The following UIMC1 variants were observed in gnomAD, a reference collection of about 807,000 sequenced individuals.
The protein encoded by UIMC1 is ubiquitin interaction motif containing 1, also known as BRCA1-A complex subunit RAP80.
A neutral mutation model predicts 84.9 loss-of-function variants in UIMC1; 42 were observed. The observed-to-expected ratio is 0.49, with a 90% CI of 0.39 to 0.64. The LOEUF (loss-of-function observed/expected upper bound fraction) is 0.64. UIMC1 is among the 30% of genes least tolerant of loss of function. The pLI, the probability that UIMC1 is intolerant of heterozygous loss-of-function variation, is 0.00. For missense variants in UIMC1, 825 were observed against 847.6 expected (o/e 0.97, Z 0.33); for synonymous variants, 281 against 293.0 (o/e 0.96, Z 0.42).
intron 1 of UIMC1, among the ~76,000 whole-genome samples, chr5:176,994,067 TAA>T (rs1282474418): frequency 6.8e-6 from 1 of 146,880 alleles, no homozygotes; most frequent in East Asian, 2.0e-4. Context: ...GATGAAATAG[TAA>T]AAAACACTTG....
At chr5:177,004,340 C>T (rs1774971858) in intron 1 of UIMC1, among the ~76,000 whole-genome samples, 1 of 152,072 alleles carries the variant, frequency 6.6e-6, no homozygotes, top group South Asian at 2.1e-4. Flanking sequence ...GAGATTTAGC[C>T]ACATTAAATT....
At position 176,970,763 on chromosome 5, in the gene UIMC1, T is replaced by C; in HGVS notation, c.336A>G (p.Lys112=). ...QEEEEEELLR[K]AIAESLNSCR... The stretch of plus-strand genomic sequence containing the variant: ...TTACATTCAGGCTTTCAGCAATGGC[T>C]TTCCTCAAGAGCTCCTCTTCTTCCT... The change falls in exon 4 of 15, where the codon AAA becomes AAG. Residue 112 remains lysine, a synonymous_variant. Coordinates refer to ENST00000511320, the MANE Select transcript of UIMC1 (RefSeq NM_001199298.2). 1 of 1,614,138 alleles carries C rather than the reference T, an allele frequency of 6.2e-7. No individual in the cohort carries two copies. The highest frequency in any genetic ancestry group is 8.5e-7 in the Non-Finnish European group (1 of 1,180,038).
intron 1 of UIMC1, among the ~76,000 whole-genome samples, chr5:177,003,392 C>T (rs1185682352): frequency 6.6e-6 from 1 of 152,152 alleles, no homozygotes; most frequent in Non-Finnish European, 1.5e-5. Context: ...CGGTGGTTCA[C>T]GCCTGTAATC....
At chr5:176,933,704 T>C (rs986433543) in intron 10 of UIMC1, among the ~76,000 whole-genome samples, 1 of 151,836 alleles carries the variant, frequency 6.6e-6, no homozygotes, top group Non-Finnish European at 1.5e-5. Context: ...ACAAAGCTAA[T>C]TTTTTATTTT....
chr5:176,950,067 AT>A (rs1765656181), intron 9 of UIMC1, among the ~76,000 whole-genome samples: 1 of 150,834 alleles, frequency 6.6e-6, no homozygotes, highest in African/African-American at 2.4e-5. Context: ...AGGAGAAAAA[AT>A]ACAAAATTCC....
At chr5:176,907,872 T>G (rs555745368) in intron 12 of UIMC1, among the ~76,000 whole-genome samples, 1 of 152,316 alleles carries the variant, frequency 6.6e-6, no homozygotes, top group African/African-American at 2.4e-5. Flanking sequence ...TATCAGAAAA[T>G]GTATTCTAAG....
chr5:177,005,708 T>G (rs575097016), intron 1 of UIMC1, among the ~76,000 whole-genome samples: 2 of 151,968 alleles, frequency 1.3e-5, no homozygotes, highest in South Asian at 2.1e-4. Context: ...AGGCACTGCC[T>G]CCCTTGACAG....
rs1765884965 is a variant in UIMC1, at chr5:176,951,572, G to A, written c.1345C>T (p.Gln449Ter). The stretch of plus-strand genomic sequence containing the variant: ...TCAAAAGTTTCAGAGGAACTTAGCT[G>A]GGTCTCTGTAATTTAAAAAAGTTAA... ...AEEITVCPET[Q>*]LSSSETFDLE... The change falls in exon 9 of 15, where the codon CAG becomes TAG. Residue 449 changes from glutamine (Q) to a stop codon, truncating the protein, a stop_gained. Transcript: ENST00000511320. LOFTEE classifies it high-confidence loss of function. 1 of 1,568,804 alleles carries A rather than the reference G, an allele frequency of 6.4e-7. No homozygotes were observed. The highest frequency in any genetic ancestry group is 8.6e-7 in the Non-Finnish European group (1 of 1,163,866).
At chr5:176,914,771 TA>T (rs1452198434) in intron 10 of UIMC1, among the ~76,000 whole-genome samples, 8 of 152,200 alleles carry the variant, frequency 5.3e-5, no homozygotes, top group Non-Finnish European at 8.8e-5. Context: ...AGGCACAGAT[TA>T]AATGATCTAA....
chr5:176,956,243 C>T (rs553395523), intron 7 of UIMC1, among the ~76,000 whole-genome samples: 246 of 152,320 alleles, frequency 1.6e-3, no homozygotes, highest in African/African-American at 5.7e-3. Context: ...ACTTCAGTTC[C>T]AGTGAAATCA....
chr5:176,951,466 A>T lies in UIMC1; in HGVS notation c.1443+8T>A. ...CCACTGAGAAAAAATATAGAGGAAA[A>T]TATTCACCTCCTTATCTGCCATTAT... is the stretch of plus-strand genomic sequence containing the variant. On this transcript the variant is annotated splice_region_variant and intron_variant, in intron 9 of 14. Coordinates refer to ENST00000511320, the MANE Select transcript of UIMC1 (RefSeq NM_001199298.2). 12 of 1,493,024 alleles carry T rather than the reference A, an allele frequency of 8.0e-6. No homozygotes were observed. Among genetic ancestry groups the T allele is most frequent in the Non-Finnish European group, 1.1e-5 (12 of 1,114,970 alleles). 92.5% of individuals were successfully genotyped at this position (1,493,024 alleles called of 1,614,324 possible).
intron 3 of UIMC1, among the ~76,000 whole-genome samples, chr5:176,974,407 A>C (rs1315622456): frequency 6.6e-6 from 1 of 152,234 alleles, no homozygotes. Flanking sequence ...TAGATCAGAA[A>C]TCTAAATGCT....
intron 6 of UIMC1, among the ~76,000 whole-genome samples, chr5:176,964,724 T>A (rs1001322545): frequency 6.6e-6 from 1 of 152,204 alleles, no homozygotes; most frequent in Non-Finnish European, 1.5e-5. Context: ...CATCTCCAAG[T>A]GATTTTTTTA....
At chr5:176,948,049 C>T (rs543818837) in intron 9 of UIMC1, among the ~76,000 whole-genome samples, 121 of 152,106 alleles carry the variant, frequency 8.0e-4, no homozygotes, top group Non-Finnish European at 1.3e-3. Context: ...TCTGGATCTT[C>T]CCCTTCTCAC....
intron 4 of UIMC1, 34 bp downstream of exon 4, chr5:176,970,708 A>G: frequency 6.2e-7 from 1 of 1,613,722 alleles, no homozygotes; most frequent in Non-Finnish European, 8.5e-7. Flanking sequence ...TAGCTGATCA[A>G]TCTCCACAAA....
chr5:176,948,307 TTC>T (rs543381692), intron 9 of UIMC1, among the ~76,000 whole-genome samples: 18 of 152,212 alleles, frequency 1.2e-4, no homozygotes, highest in Non-Finnish European at 2.1e-4. Flanking sequence ...TATTGAGCAA[TTC>T]TCTGTCATTA....
intron 10 of UIMC1, among the ~76,000 whole-genome samples, chr5:176,935,907 G>T (rs1326772146): frequency 1.3e-5 from 2 of 151,952 alleles, no homozygotes; most frequent in East Asian, 3.8e-4. Flanking sequence ...AGATATCCCC[G>T]AAGAGAAAGT....
chr5:176,959,821 C>T (rs1436087181), intron 6 of UIMC1, among the ~76,000 whole-genome samples: 1 of 151,952 alleles, frequency 6.6e-6, no homozygotes, highest in African/African-American at 2.4e-5. Context: ...CACCTGAGGT[C>T]GGGAGTTCAA....
chr5:176,992,024 A>C (rs1772938845), intron 1 of UIMC1, among the ~76,000 whole-genome samples: 1 of 151,548 alleles, frequency 6.6e-6, no homozygotes, highest in African/African-American at 2.4e-5. Flanking sequence ...TGAGAGGCTA[A>C]AGTGGCATGA....
Sources: gnomAD v4.1 joint callset for allele counts (sites outside exome capture counted in the v4.1 genomes callset) on GRCh38, gnomAD v4.1.1 for gene constraint, MANE v1.5 for transcripts, NCBI Gene and HGNC (gene_info 2026-07-23, HGNC 2026-07-21) for gene names.